ESRRG: variants seen among roughly 807,000 people sequenced by gnomAD.
ESRRG encodes the protein estrogen related receptor gamma.
Under a neutral mutation model 44.0 loss-of-function variants are expected in ESRRG, and 13 were observed. The observed-to-expected ratio is 0.30, with a 90% CI of 0.19 to 0.47. ESRRG has a LOEUF of 0.47. Among genes scored for constraint, ESRRG ranks in the 20% least tolerant of loss-of-function variants. The probability of loss-of-function intolerance (pLI) is 1.00; values close to 1 mark genes in which losing one functional copy is unlikely to be tolerated. For synonymous variants in ESRRG, 215 were observed against 214.6 expected, an observed-to-expected ratio of 1.00 and a Z score of -0.02; for missense variants, 395 against 580.6, an observed-to-expected ratio of 0.68 and a Z score of 3.29.
At position 216,505,738 on chromosome 1, in the gene ESRRG, A is replaced by C. The variant is rs576562517; in HGVS notation, c.*1201T>G. On this transcript the variant is annotated 3_prime_UTR_variant, in exon 7 of 7. Coordinates refer to ENST00000408911, the MANE Select transcript of ESRRG (RefSeq NM_001438.4). The stretch of plus-strand genomic sequence containing the variant: ...GTCAGTGAACATTTAGGTAAACTGG[A>C]GCTCATGTTAAGAAATTGATGTTTG... 1.3e-5 allele frequency: 2 copies of C among 152,698 alleles called. No homozygotes were observed. Among genetic ancestry groups the C allele is most frequent in the Admixed American group, 1.3e-4 (2 of 15,302 alleles). 9.5% of individuals were successfully genotyped at this position (152,698 alleles called of 1,614,324 possible). A position where few individuals can be genotyped will look rare whatever the true frequency, so the allele number is the denominator to read the frequency against.
chr1:216,605,149 T>C (rs1558766714), intron 3 of ESRRG, among the ~76,000 whole-genome samples: 1 of 152,246 alleles, frequency 6.6e-6, no homozygotes, highest in Non-Finnish European at 1.5e-5. Context: ...TTCCATTTTC[T>C]TCTTTTTTTT....
intron 1 of ESRRG, among the ~76,000 whole-genome samples, chr1:216,970,508 T>A (rs955266145): frequency 4.6e-5 from 7 of 152,124 alleles, no homozygotes; most frequent in Admixed American, 3.3e-4. Flanking sequence ...CTTGACAAGG[T>A]TCTTCAATTT....
At chr1:216,510,280 A>G (rs2042324605) in intron 6 of ESRRG, among the ~76,000 whole-genome samples, 1 of 152,236 alleles carries the variant, frequency 6.6e-6, no homozygotes, top group Non-Finnish European at 1.5e-5. Flanking sequence ...ACAATAAGAC[A>G]AGCAAATACT....
chr1:216,527,446 T>C (rs1411441017), intron 5 of ESRRG, among the ~76,000 whole-genome samples: 1 of 152,192 alleles, frequency 6.6e-6, no homozygotes, highest in African/African-American at 2.4e-5. Context: ...CCATATCTCC[T>C]ACATGATAAA....
chr1:216,977,989 T>A (rs994143795), intron 1 of ESRRG, among the ~76,000 whole-genome samples: 1 of 152,184 alleles, frequency 6.6e-6, no homozygotes, highest in Non-Finnish European at 1.5e-5. Context: ...AAGGCCCTTG[T>A]CAGATACTGG....
intron 2 of ESRRG, among the ~76,000 whole-genome samples, chr1:216,842,801 C>A (rs562915337): frequency 1.8e-4 from 27 of 152,296 alleles, no homozygotes; most frequent in South Asian, 6.2e-4. Flanking sequence ...TACCACAAAT[C>A]TTTGAAGAAG....
At chr1:216,912,188 G>A (rs999315770) in intron 2 of ESRRG, among the ~76,000 whole-genome samples, 1,803 of 9,318 alleles carry the variant, frequency 0.19, 270 homozygotes, top group East Asian at 0.46. Flanking sequence ...AAGAAAAGGA[G>A]AGGAGAGGAG....
intron 6 of ESRRG, among the ~76,000 whole-genome samples, chr1:216,510,702 C>T (rs954806568): frequency 2.0e-5 from 3 of 151,806 alleles, no homozygotes; most frequent in South Asian, 2.1e-4. Context: ...TGGCTAACAC[C>T]GTGAAACCCC....
chr1:217,014,313 T>C (rs2079042094), intron 1 of ESRRG, among the ~76,000 whole-genome samples: 1 of 152,086 alleles, frequency 6.6e-6, no homozygotes, highest in Non-Finnish European at 1.5e-5. Flanking sequence ...CCTACTCTTC[T>C]TTTGTCAGGC....
chr1:216,735,505 G>A (rs1474235987), intron 2 of ESRRG, among the ~76,000 whole-genome samples: 1 of 152,090 alleles, frequency 6.6e-6, no homozygotes, highest in Non-Finnish European at 1.5e-5. Context: ...ACCACACCTG[G>A]CCCATCTTTT....
intron 5 of ESRRG, among the ~76,000 whole-genome samples, chr1:216,532,545 G>A (rs1285423820): frequency 6.6e-6 from 1 of 152,134 alleles, no homozygotes; most frequent in African/African-American, 2.4e-5. Context: ...ATGACATTGC[G>A]GCTCTGGCCG....
At chr1:216,910,527 G>C (rs1200738972) in intron 2 of ESRRG, among the ~76,000 whole-genome samples, 4 of 152,136 alleles carry the variant, frequency 2.6e-5, no homozygotes, top group African/African-American at 7.2e-5. Context: ...TAAAAGCCTT[G>C]ACCTTACAAA....
In ESRRG at chr1:216,782,836, C is replaced by T. The variant is rs17681959; in HGVS notation, c.-13-105345G>A. ...CCACCTTAAAAATAAATAAAATAAGCATGCTAGAGGTGACAGGAAATGTGT... is the reference window on the plus strand; with the variant it reads ...CCACCTTAAAAATAAATAAAATAAGTATGCTAGAGGTGACAGGAAATGTGT... On this transcript the variant is annotated intron_variant, in intron 2 of 7. Coordinates refer to the ESRRG transcript ENST00000359162. Among the ~76,000 whole-genome samples, 1,489 of 152,060 alleles carry T rather than the reference C, an allele frequency of 9.8e-3. 10 individuals carry two copies. Among genetic ancestry groups the T allele is most frequent in the Non-Finnish European group, 0.014 (935 of 67,970 alleles).
At chr1:216,855,599 T>G (rs1245323814) in intron 2 of ESRRG, among the ~76,000 whole-genome samples, 1 of 152,190 alleles carries the variant, frequency 6.6e-6, no homozygotes, top group Non-Finnish European at 1.5e-5. Context: ...GCAACGAGAC[T>G]GCCAAGGTCC....
intron 1 of ESRRG, among the ~76,000 whole-genome samples, chr1:216,950,922 A>T (rs926420896): frequency 1.3e-5 from 2 of 152,322 alleles, no homozygotes; most frequent in Admixed American, 6.5e-5. Flanking sequence ...ATTAGTGGTC[A>T]CATGAAATGA....
chr1:216,641,620 A>G (rs2066445922), intron 3 of ESRRG, among the ~76,000 whole-genome samples: 1 of 152,252 alleles, frequency 6.6e-6, no homozygotes, highest in African/African-American at 2.4e-5. Context: ...GACTAAAGCT[A>G]TGCCACAAGG....
At position 216,884,220 on chromosome 1, in the gene ESRRG, T is replaced by C. The variant is rs76979141; in HGVS notation, c.-14+55362A>G. 5.6e-3 allele frequency among the ~76,000 whole-genome samples: 859 copies of C among 152,348 alleles called. 5 individuals carry two copies. Among genetic ancestry groups the C allele is most frequent in the Non-Finnish European group, 7.4e-3 (504 of 68,040 alleles). ...ACTGAAACATAAATCTCCTGCTTTA[T>C]GAATATATAGTAAGAACACAGCATG... On this transcript the variant is annotated intron_variant, in intron 2 of 7. Coordinates refer to the ESRRG transcript ENST00000359162.
intron 5 of ESRRG, among the ~76,000 whole-genome samples, chr1:216,519,814 T>TAAAAA (rs147923058): frequency 5.5e-4 from 66 of 118,930 alleles, no homozygotes; most frequent in African/African-American, 1.3e-3. Context: ...AACATAAAAG[T>TAAAAA]AAAAAAAAAA....
chr1:216,700,873 T>G lies in ESRRG; in HGVS notation c.56+22371A>C, dbSNP rs1015307155. On this transcript the variant is annotated intron_variant, in intron 1 of 6. Transcript: ENST00000408911. ...CAGTGAGTGGTTAGGTTTCTGTCTT[T>G]ACTTTGCTTTCCCCCTTTGCTAATT... Among the ~76,000 whole-genome samples the G allele has an allele frequency of 1.9e-4, 29 of 152,332 alleles. No individual in the cohort carries two copies. In the East Asian group the frequency reaches 5.0e-3, roughly 26 times the overall value.
Sources: gnomAD v4.1 joint callset for allele counts (sites outside exome capture counted in the v4.1 genomes callset) on GRCh38, gnomAD v4.1.1 for gene constraint, MANE v1.5 for transcripts, NCBI Gene and HGNC (gene_info 2026-07-23, HGNC 2026-07-21) for gene names.